The following CDKL4 variants were observed in gnomAD, a reference collection of about 807,000 sequenced individuals.
CDKL4 encodes cyclin-dependent kinase-like 4.
CDKL4 carries 44 observed loss-of-function variants against 42.0 expected under a neutral mutation model. That is an observed-to-expected ratio of 1.05 (90% CI 0.82 to 1.35). CDKL4 has a LOEUF of 1.35. CDKL4 is among the 40% of genes most tolerant of loss of function. The pLI, the probability that CDKL4 is intolerant of heterozygous loss-of-function variation, is 0.00. For missense variants in CDKL4, 393 were observed against 369.9 expected, an observed-to-expected ratio of 1.06 and a Z score of -0.51; for synonymous variants, 120 against 121.6, an observed-to-expected ratio of 0.99 and a Z score of 0.09.
At chr2:39,177,864 T>C (rs1675234018) in intron 9 of CDKL4, among the ~76,000 whole-genome samples, 1 of 151,774 alleles carries the variant, frequency 6.6e-6, no homozygotes, top group Non-Finnish European at 1.5e-5. Context: ...AATTTTTGTA[T>C]TTTTAGAAGA....
chr2:39,237,146 A>G (rs1363831921), intron 1 of CDKL4, among the ~76,000 whole-genome samples: 2 of 152,258 alleles, frequency 1.3e-5, no homozygotes, highest in Admixed American at 6.5e-5. Context: ...ATGTAGACAC[A>G]AGAATCCTTA....
chr2:39,215,034 A>T (rs1244463462), intron 3 of CDKL4, among the ~76,000 whole-genome samples: 1 of 152,162 alleles, frequency 6.6e-6, no homozygotes, highest in Admixed American at 6.5e-5. Context: ...CTGTCCCATG[A>T]TGATGCCTTC....
At chr2:39,210,061 C>T (rs535257500) in intron 4 of CDKL4, among the ~76,000 whole-genome samples, 1 of 152,184 alleles carries the variant, frequency 6.6e-6, no homozygotes, top group Non-Finnish European at 1.5e-5. Flanking sequence ...GATCTTAGCT[C>T]ATTGTAACCT....
At chr2:39,171,784 C>T (rs1232244898), downstream of CDKL4, among the ~76,000 whole-genome samples, 6 of 152,124 alleles carry the variant, frequency 3.9e-5, no homozygotes, top group African/African-American at 1.4e-4. Context: ...GAAGAGGCCA[C>T]GAAGAGGCGG....
chr2:39,203,049 T>A (rs1031482764), intron 5 of CDKL4, among the ~76,000 whole-genome samples: 1 of 152,216 alleles, frequency 6.6e-6, no homozygotes, highest in Non-Finnish European at 1.5e-5. Flanking sequence ...GACTTCTGGA[T>A]GTGTTCATGC....
chr2:39,241,932 A>G (rs1679680974), intron 1 of CDKL4, among the ~76,000 whole-genome samples: 1 of 152,238 alleles, frequency 6.6e-6, no homozygotes, highest in South Asian at 2.1e-4. Context: ...GGCAATAAGT[A>G]CATTTTGATT....
chr2:39,210,783 G>A (rs1677540760), intron 4 of CDKL4, among the ~76,000 whole-genome samples: 1 of 152,094 alleles, frequency 6.6e-6, no homozygotes, highest in Admixed American at 6.6e-5. Flanking sequence ...ATTCCATTTG[G>A]CATCATCTTT....
chr2:39,209,612 C>G (rs1677457101), intron 4 of CDKL4, among the ~76,000 whole-genome samples: 1 of 152,158 alleles, frequency 6.6e-6, no homozygotes, highest in Non-Finnish European at 1.5e-5. Context: ...TAAAAGCTCC[C>G]AGGTGATCTC....
chr2:39,207,601 C>A (rs927500599), intron 4 of CDKL4, among the ~76,000 whole-genome samples: 6 of 152,188 alleles, frequency 3.9e-5, no homozygotes, highest in Non-Finnish European at 8.8e-5. Flanking sequence ...GGATTTACAT[C>A]AATATCTGTC....
At chr2:39,246,622 GC>G (rs750246397), upstream of CDKL4, among the ~76,000 whole-genome samples, 7 of 152,316 alleles carry the variant, frequency 4.6e-5, no homozygotes, top group East Asian at 9.6e-4. Flanking sequence ...ATTTGCATAT[GC>G]CTTGGTCTAG....
exon 4 of CDKL4, chr2:39,213,400 G>A (rs375514414): frequency 5.9e-5 from 92 of 1,556,908 alleles, no homozygotes; most frequent in Middle Eastern, 3.4e-4. Flanking sequence ...TGTTACTTAC[G>A]TTATGTATAT....
In CDKL4 at chr2:39,228,637, C is replaced by A. The variant is rs193091042; in HGVS notation, c.168+728G>T. Among the ~76,000 whole-genome samples, 116 of 152,264 alleles carry A rather than the reference C, an allele frequency of 7.6e-4. 1 individual carries two copies. Among genetic ancestry groups the A allele is most frequent in the Admixed American group, 4.6e-3 (71 of 15,280 alleles). On this transcript the variant is annotated intron_variant, in intron 2 of 9. Transcript: ENST00000451199. The stretch of plus-strand genomic sequence containing the variant: ...GAATCTCGGGCCCACCCCAGACCTC[C>A]CAACTCAGAATCTGCATTTCAACAA...
chr2:39,226,838 C>T (rs577528326), intron 2 of CDKL4, among the ~76,000 whole-genome samples: 2 of 151,716 alleles, frequency 1.3e-5, no homozygotes, highest in South Asian at 4.2e-4. Flanking sequence ...GCCATCTCGG[C>T]TCACTACAAC....
intron 3 of CDKL4, among the ~76,000 whole-genome samples, chr2:39,224,600 T>C (rs1678580371): frequency 6.6e-6 from 1 of 151,032 alleles, no homozygotes; most frequent in African/African-American, 2.4e-5. Context: ...GCCTCCTGGG[T>C]TGAAGCAATC....
intron 3 of CDKL4, among the ~76,000 whole-genome samples, chr2:39,223,365 C>T (rs1678491829): frequency 6.6e-6 from 1 of 152,050 alleles, no homozygotes; most frequent in Non-Finnish European, 1.5e-5. Flanking sequence ...TTTTTTCATA[C>T]ATATTGCCAA....
At chr2:39,192,418 T>C (rs548903430) in intron 5 of CDKL4, among the ~76,000 whole-genome samples, 5 of 152,234 alleles carry the variant, frequency 3.3e-5, no homozygotes, top group Admixed American at 3.3e-4. Flanking sequence ...TAAAATGCAG[T>C]GGCACAATCA....
intron 1 of CDKL4, among the ~76,000 whole-genome samples, chr2:39,235,557 C>G (rs112012289): frequency 6.6e-6 from 1 of 152,050 alleles, no homozygotes; most frequent in Non-Finnish European, 1.5e-5. Context: ...CCAGCCTGGG[C>G]AATACAGTGA....
intron 4 of CDKL4, among the ~76,000 whole-genome samples, chr2:39,206,155 G>A (rs1341920413): frequency 6.6e-6 from 1 of 151,906 alleles, no homozygotes; most frequent in African/African-American, 2.4e-5. Context: ...CCGGGTTCAA[G>A]CGATTCTCCT....
chr2:39,227,440 G>A (rs1326006757), intron 2 of CDKL4, among the ~76,000 whole-genome samples: 1 of 152,152 alleles, frequency 6.6e-6, no homozygotes, highest in Non-Finnish European at 1.5e-5. Context: ...TGTGCCTGCT[G>A]CTCCACAGCT....
Sources: allele counts gnomAD v4.1 joint callset (sites outside exome capture counted in the v4.1 genomes callset), GRCh38; gene constraint gnomAD v4.1.1; transcripts MANE v1.5; gene names NCBI Gene and HGNC (gene_info 2026-07-23, HGNC 2026-07-21).